Variants in SLC24A2 observed in about 807,000 individuals in gnomAD.
SLC24A2 encodes solute carrier family 24 member 2, also known as sodium/potassium/calcium exchanger 2.
A neutral mutation model predicts 62.0 loss-of-function variants in SLC24A2; 36 were observed. The observed-to-expected ratio is 0.58, with a 90% CI of 0.44 to 0.77. The LOEUF is 0.77. Among genes scored for constraint, SLC24A2 ranks in the 30% least tolerant of loss-of-function variants. SLC24A2 has a pLI of 0.00. For synonymous variants in SLC24A2, 358 were observed against 294.0 expected, an observed-to-expected ratio of 1.22 and a Z score of -2.23; for missense variants, 846 against 817.9, an observed-to-expected ratio of 1.03 and a Z score of -0.42.
chr9:19,843,950 T>C, the SLC24A2 span, among the ~76,000 whole-genome samples: 5 of 152,224 alleles, frequency 3.3e-5, no homozygotes, highest in Non-Finnish European at 7.3e-5. Flanking sequence ...GTTGAATCCA[T>C]GTCTTTGCTA....
chr9:19,895,119 C>G, the SLC24A2 span, among the ~76,000 whole-genome samples: 2 of 152,172 alleles, frequency 1.3e-5, no homozygotes, highest in South Asian at 4.1e-4. Context: ...CCAGCAAGAG[C>G]CACTGGCACG....
chr9:19,887,846 T>C, the SLC24A2 span, among the ~76,000 whole-genome samples: 2 of 152,212 alleles, frequency 1.3e-5, no homozygotes, highest in Non-Finnish European at 2.9e-5. Flanking sequence ...AATGAATTAA[T>C]GACTTTCACA....
At chr9:19,625,144 C>G (rs1818001802) in intron 2 of SLC24A2, among the ~76,000 whole-genome samples, 1 of 152,220 alleles carries the variant, frequency 6.6e-6, no homozygotes, top group African/African-American at 2.4e-5. Flanking sequence ...TAACATGACT[C>G]TAAGGATTAA....
At chr9:20,182,113 A>G in the SLC24A2 span, among the ~76,000 whole-genome samples, 1 of 152,224 alleles carries the variant, frequency 6.6e-6, no homozygotes, top group Non-Finnish European at 1.5e-5. Flanking sequence ...GCAATCATTA[A>G]AAAGTCAGGA....
chr9:19,988,405 T>C, the SLC24A2 span, among the ~76,000 whole-genome samples: 1 of 152,330 alleles, frequency 6.6e-6, no homozygotes, highest in Admixed American at 6.5e-5. Context: ...CACAAGGCTT[T>C]TAATCCCCAC....
At chr9:20,019,384 A>C in the SLC24A2 span, among the ~76,000 whole-genome samples, 1 of 152,194 alleles carries the variant, frequency 6.6e-6, no homozygotes. Context: ...GTCCAGTTTC[A>C]GTTTTCTGCA....
At chr9:20,041,566 A>G in the SLC24A2 span, among the ~76,000 whole-genome samples, 34 of 152,224 alleles carry the variant, frequency 2.2e-4, no homozygotes, top group Non-Finnish European at 1.9e-4. Flanking sequence ...TGTATCATCA[A>G]AATCAGTGGT....
chr9:19,610,026 G>A (rs570486240), intron 4 of SLC24A2, among the ~76,000 whole-genome samples: 2 of 152,262 alleles, frequency 1.3e-5, no homozygotes, highest in South Asian at 2.1e-4. Context: ...ACCATGAACT[G>A]GTACCAGTCC....
At chr9:19,828,877 C>G in the SLC24A2 span, among the ~76,000 whole-genome samples, 1 of 152,024 alleles carries the variant, frequency 6.6e-6, no homozygotes, top group Non-Finnish European at 1.5e-5. Flanking sequence ...TCAGAGAAGC[C>G]TTGGCTCCAT....
the SLC24A2 span, among the ~76,000 whole-genome samples, chr9:20,240,440 A>G: frequency 3.9e-5 from 6 of 152,228 alleles, no homozygotes; most frequent in East Asian, 1.2e-3. Context: ...TCTTCTCTCA[A>G]TTTCAGTCTC....
the SLC24A2 span, among the ~76,000 whole-genome samples, chr9:19,962,165 G>A: frequency 1.7e-4 from 26 of 152,186 alleles, no homozygotes; most frequent in African/African-American, 5.8e-4. Context: ...GTTGGGCAGT[G>A]TGACTGTCTT....
the SLC24A2 span, among the ~76,000 whole-genome samples, chr9:20,149,871 G>A: frequency 5.3e-5 from 8 of 151,916 alleles, no homozygotes; most frequent in African/African-American, 9.7e-5. Context: ...GGTTAGCTAC[G>A]GATACAGCCC....
At chr9:19,748,117 T>A (rs926339196) in intron 2 of SLC24A2, among the ~76,000 whole-genome samples, 22 of 152,288 alleles carry the variant, frequency 1.4e-4, no homozygotes, top group Admixed American at 4.6e-4. Flanking sequence ...GTGAATATCA[T>A]GTGTGTTCCC....
At chr9:20,055,252 T>C in the SLC24A2 span, among the ~76,000 whole-genome samples, 1 of 152,206 alleles carries the variant, frequency 6.6e-6, no homozygotes. Context: ...AAAAAGTCTT[T>C]ACTTCTGCAA....
the SLC24A2 span, among the ~76,000 whole-genome samples, chr9:20,079,580 T>G: frequency 6.6e-6 from 1 of 152,360 alleles, no homozygotes; most frequent in African/African-American, 2.4e-5. Context: ...TTGTTTCTGT[T>G]ATTTTGCAGT....
intron 4 of SLC24A2, among the ~76,000 whole-genome samples, chr9:19,610,339 A>C (rs931031640): frequency 2.0e-5 from 3 of 152,212 alleles, no homozygotes; most frequent in Admixed American, 2.0e-4. Flanking sequence ...GTTATTTTAC[A>C]GGTGTTTGAT....
the SLC24A2 span, among the ~76,000 whole-genome samples, chr9:19,890,443 C>A: frequency 3.9e-5 from 6 of 152,218 alleles, no homozygotes; most frequent in South Asian, 1.2e-3. Flanking sequence ...ATTTTCTGCC[C>A]TCATCCTGCT....
chr9:19,598,119 T>C (rs1836751448), intron 4 of SLC24A2, among the ~76,000 whole-genome samples: 1 of 152,236 alleles, frequency 6.6e-6, no homozygotes, highest in South Asian at 2.1e-4. Context: ...TTCTGTTTTC[T>C]TCAGTTTTAA....
intron 2 of SLC24A2, among the ~76,000 whole-genome samples, chr9:19,769,072 A>C (rs1822604896): frequency 6.6e-6 from 1 of 152,082 alleles, no homozygotes; most frequent in Admixed American, 6.6e-5. Flanking sequence ...TCTCCATTTC[A>C]ATGTTCAAGT....
Sources: gnomAD v4.1 joint callset for allele counts (sites outside exome capture counted in the v4.1 genomes callset) on GRCh38, gnomAD v4.1.1 for gene constraint, MANE v1.5 for transcripts, NCBI Gene and HGNC (gene_info 2026-07-23, HGNC 2026-07-21) for gene names.